Variants in HEATR5B observed in about 807,000 individuals in gnomAD.
HEATR5B encodes the protein HEAT repeat containing 5B.
Under a neutral mutation model 224.1 loss-of-function variants are expected in HEATR5B, and 156 were observed. The observed-to-expected ratio is 0.70, with a 90% CI of 0.61 to 0.80. The LOEUF is 0.80. HEATR5B is among the 30% of genes least tolerant of loss of function. The probability of loss-of-function intolerance (pLI) is 0.00; values close to 1 mark genes in which losing one functional copy is unlikely to be tolerated. For missense variants in HEATR5B, 2,323 were observed against 2,535.5 expected (o/e 0.92, Z 1.80); for synonymous variants, 1,027 against 893.0 (o/e 1.15, Z -2.68).
intron 5 of HEATR5B, among the ~76,000 whole-genome samples, chr2:37,074,371 G>GA (rs1334908298): frequency 8.5e-4 from 112 of 131,608 alleles, no homozygotes; most frequent in South Asian, 6.7e-3. Context: ...TATCCATATT[G>GA]AAAAAAAAAA....
In HEATR5B at chr2:36,981,065, T is replaced by C. The variant is rs1235770578; in HGVS notation, c.*425A>G. 6.5e-6 allele frequency: 1 copy of C among 155,022 alleles called. No individual in the cohort carries two copies. Among genetic ancestry groups the C allele is most frequent in the East Asian group, 1.9e-4 (1 of 5,280 alleles). The allele number at this position is 155,022 out of a possible 1,614,324, so 9.6% of individuals were successfully genotyped here. A position where few individuals can be genotyped will look rare whatever the true frequency, so the allele number is the denominator to read the frequency against. The stretch of plus-strand genomic sequence containing the variant: ...TATATACACCACAAAACAGACACTT[T>C]CCATTATTTTGATTACTTCAAAATT... On this transcript the variant is annotated 3_prime_UTR_variant, in exon 36 of 36. Transcript: ENST00000233099.
At chr2:36,984,811 T>C (rs1665836928) in intron 35 of HEATR5B, among the ~76,000 whole-genome samples, 1 of 152,158 alleles carries the variant, frequency 6.6e-6, no homozygotes, top group Non-Finnish European at 1.5e-5. Context: ...AAAATTACTT[T>C]AGGTAAATTT....
intron 22 of HEATR5B, among the ~76,000 whole-genome samples, chr2:37,030,357 G>A (rs1669052885): frequency 6.6e-6 from 1 of 152,194 alleles, no homozygotes; most frequent in African/African-American, 2.4e-5. Context: ...CTAAGCAGTA[G>A]ATAGTGAATA....
chr2:36,991,498 A>G (rs1165737200), intron 33 of HEATR5B, among the ~76,000 whole-genome samples: 1 of 107,952 alleles, frequency 9.3e-6, no homozygotes, highest in Non-Finnish European at 2.1e-5. Flanking sequence ...TCTGTCTCAA[A>G]AAAAAAAAAA....
At chr2:37,063,468 TG>T (rs1330815938) in intron 10 of HEATR5B, among the ~76,000 whole-genome samples, 2 of 152,208 alleles carry the variant, frequency 1.3e-5, no homozygotes, top group Non-Finnish European at 2.9e-5. Context: ...CTCTGAGTAC[TG>T]GGTAGTCCCT....
chr2:37,083,366 T>C lies in HEATR5B; in HGVS notation c.49A>G (p.Ile17Val). 1 of 1,613,820 alleles carries C rather than the reference T, an allele frequency of 6.2e-7. No individual in the cohort carries two copies. Among genetic ancestry groups the C allele is most frequent in the Non-Finnish European group, 8.5e-7 (1 of 1,179,724 alleles). The change falls in exon 2 of 36, where the codon ATC becomes GTC. Residue 17 changes from isoleucine (I) to valine (V), a missense_variant. By Grantham distance (29) the Ile-to-Val change is conservative. This residue lies in a region of HEATR5B where 292 missense variants were observed against 332.6 expected (regional missense o/e 0.88). Transcript: ENST00000233099. ...AAAACTGGTCTTTTTGCTTCGGTGA[T>C]TTGAGCCAAAGCTTCTTCATTTAGC... ...LLLNEEALAQ[I>V]TEAKRPVFIF...
intron 33 of HEATR5B, among the ~76,000 whole-genome samples, chr2:36,995,104 T>TC (rs1558702456): frequency 6.7e-6 from 1 of 148,484 alleles, no homozygotes; most frequent in East Asian, 1.9e-4. Context: ...TTTTTTTTTT[T>TC]CCTGAGATGG....
intron 10 of HEATR5B, among the ~76,000 whole-genome samples, chr2:37,063,290 G>A (rs1446105910): frequency 6.6e-6 from 1 of 152,150 alleles, no homozygotes; most frequent in African/African-American, 2.4e-5. Context: ...TAAGAGGGGA[G>A]ATGAAACTCT....
At chr2:37,034,049 A>G (rs1669311078) in intron 21 of HEATR5B, among the ~76,000 whole-genome samples, 1 of 152,128 alleles carries the variant, frequency 6.6e-6, no homozygotes, top group African/African-American at 2.4e-5. Flanking sequence ...ACAATGCCAG[A>G]TAGTATATTT....
chr2:37,015,900 A>G (rs1668083012), intron 26 of HEATR5B, among the ~76,000 whole-genome samples: 6 of 152,178 alleles, frequency 3.9e-5, no homozygotes, highest in Admixed American at 3.9e-4. Flanking sequence ...AAACAAAAAA[A>G]ATAAAGCCTT....
intron 6 of HEATR5B, among the ~76,000 whole-genome samples, chr2:37,070,866 A>T (rs536351361): frequency 6.6e-6 from 1 of 152,354 alleles, no homozygotes; most frequent in South Asian, 2.1e-4. Context: ...ATAGTAGCAA[A>T]TGCAATCCTC....
chr2:37,075,766 C>A, intron 4 of HEATR5B, 132 bp from the exon 5 acceptor site: 1 of 533,298 alleles, frequency 1.9e-6, no homozygotes, highest in Non-Finnish European at 3.2e-6. Context: ...ATGAAAAGTA[C>A]AATAAAATTA....
At chr2:37,084,224 G>C in intron 1 of HEATR5B, 45 bp downstream of exon 1, 1 of 368,412 alleles carries the variant, frequency 2.7e-6, no homozygotes. Context: ...ATGTACGTCG[G>C]ACAGGAGTCC....
intron 35 of HEATR5B, among the ~76,000 whole-genome samples, chr2:36,985,516 G>A (rs1180590483): frequency 1.4e-5 from 2 of 146,496 alleles, no homozygotes; most frequent in Non-Finnish European, 3.0e-5. Context: ...GGAGTGCAGT[G>A]GTGTGATCTC....
chr2:37,052,818 C>T (rs1670643614), intron 17 of HEATR5B, among the ~76,000 whole-genome samples: 1 of 152,220 alleles, frequency 6.6e-6, no homozygotes, highest in Admixed American at 6.5e-5. Context: ...AGATGATTCT[C>T]ATCCTAGGCA....
At chr2:37,062,869 C>A (rs145371350) in intron 10 of HEATR5B, among the ~76,000 whole-genome samples, 205 of 152,298 alleles carry the variant, frequency 1.3e-3, no homozygotes, top group African/African-American at 4.8e-3. Context: ...CTCGGTGTAA[C>A]CTGGAATTCC....
chr2:37,079,990 G>C (rs1350399306), intron 2 of HEATR5B, among the ~76,000 whole-genome samples: 1 of 152,144 alleles, frequency 6.6e-6, no homozygotes, highest in Non-Finnish European at 1.5e-5. Flanking sequence ...GTTTTACGTG[G>C]ATTAATTAGA....
chr2:37,057,080 C>A (rs1310279544), intron 15 of HEATR5B, among the ~76,000 whole-genome samples: 1 of 152,176 alleles, frequency 6.6e-6, no homozygotes, highest in Non-Finnish European at 1.5e-5. Context: ...ATCTTTATCA[C>A]AGCCACCACA....
intron 33 of HEATR5B, among the ~76,000 whole-genome samples, chr2:36,996,124 G>C (rs987988851): frequency 6.6e-6 from 1 of 151,196 alleles, no homozygotes; most frequent in South Asian, 2.1e-4. Context: ...GCAGTGGCGC[G>C]ATCTCAGCTC....
Sources: allele counts gnomAD v4.1 joint callset (sites outside exome capture counted in the v4.1 genomes callset), GRCh38; gene constraint gnomAD v4.1.1; regional missense constraint gnomAD v4.1.1; transcripts MANE v1.5; gene names NCBI Gene and HGNC (gene_info 2026-07-23, HGNC 2026-07-21).